LMNB1: variants seen among roughly 807,000 people sequenced by gnomAD.
LMNB1 encodes the protein lamin B1.
In LMNB1, 23 loss-of-function variants were observed where a neutral mutation model predicts 67.1. The ratio of observed to expected loss-of-function variants is 0.34; its 90% CI spans 0.25 to 0.49. LMNB1 has a LOEUF of 0.49. Among genes scored for constraint, LMNB1 ranks in the 20% least tolerant of loss-of-function variants. LMNB1 has a pLI of 0.99. For synonymous variants in LMNB1, 281 were observed against 282.9 expected (o/e 0.99, Z 0.07); for missense variants, 634 against 746.5 (o/e 0.85, Z 1.76).
intron 8 of LMNB1, among the ~76,000 whole-genome samples, chr5:126,825,115 T>C (rs1751966645): frequency 6.6e-6 from 1 of 152,196 alleles, no homozygotes; most frequent in Non-Finnish European, 1.5e-5. Context: ...AAATGATCTT[T>C]CTAAGAGATC....
At chr5:126,788,056 A>G (rs1349464149) in intron 1 of LMNB1, among the ~76,000 whole-genome samples, 6 of 152,090 alleles carry the variant, frequency 3.9e-5, no homozygotes, top group African/African-American at 1.4e-4. Flanking sequence ...GGTGGAAGAA[A>G]GGAGAGAAGG....
intron 3 of LMNB1, among the ~76,000 whole-genome samples, chr5:126,808,123 C>T (rs756802279): frequency 6.6e-6 from 1 of 151,988 alleles, no homozygotes; most frequent in Non-Finnish European, 1.5e-5. Flanking sequence ...CCATCTGCCT[C>T]GGCCTCCCAA....
At chr5:126,782,748 C>G (rs942625708) in intron 1 of LMNB1, among the ~76,000 whole-genome samples, 2 of 151,874 alleles carry the variant, frequency 1.3e-5, no homozygotes, top group Non-Finnish European at 2.9e-5. Context: ...CCAGGTTTCA[C>G]CATGTTGGCC....
Position 126,811,841 on chromosome 5 carries a change from G to A in LMNB1, c.882G>A (p.Met294Ile), listed in dbSNP as rs377555259. 6.9e-5 allele frequency: 112 copies of A among 1,612,624 alleles called. No homozygotes were observed. Among genetic ancestry groups the A allele is most frequent in the Non-Finnish European group, 8.9e-5 (105 of 1,178,846 alleles). ...TCAACAGTGCCAGGGAAGAACTGAT[G>A]GAAAGCCGCATGAGAATTGAGAGCC... ...STVNSAREEL[M>I]ESRMRIESLS... is the part of the protein sequence containing the mutation. The change falls in exon 5 of 11, where the codon ATG becomes ATA. Residue 294 changes from methionine (M) to isoleucine (I), a missense_variant. By Grantham distance (10) the Met-to-Ile change is conservative. Transcript: ENST00000261366.
At chr5:126,822,615 A>C (rs1361145643) in intron 7 of LMNB1, among the ~76,000 whole-genome samples, 166 bp from the exon 8 acceptor site, 2 of 152,384 alleles carry the variant, frequency 1.3e-5, no homozygotes, top group East Asian at 1.9e-4. Flanking sequence ...CTGTTTGACA[A>C]AATGACAGAA....
At chr5:126,811,605 C>A (rs994798399) in intron 4 of LMNB1, 168 bp from the exon 5 acceptor site, 8 of 490,884 alleles carry the variant, frequency 1.6e-5, no homozygotes, top group African/African-American at 1.3e-4. Flanking sequence ...AAAAGTCACA[C>A]AGAATTACCA....
intron 3 of LMNB1, among the ~76,000 whole-genome samples, chr5:126,808,516 T>C (rs1029008473): frequency 6.6e-6 from 1 of 151,886 alleles, no homozygotes; most frequent in African/African-American, 2.4e-5. Flanking sequence ...ATTCATGATA[T>C]ATATTCAGTA....
At chr5:126,777,067 C>T (rs1025381423), upstream of LMNB1, 2 of 158,254 alleles carry the variant, frequency 1.3e-5, no homozygotes, top group Non-Finnish European at 2.8e-5. Context: ...GCGCCGCGGC[C>T]CGCGCCACCT....
chr5:126,802,958 G>A (rs890925627), intron 1 of LMNB1, among the ~76,000 whole-genome samples: 1 of 151,968 alleles, frequency 6.6e-6, no homozygotes, highest in Admixed American at 6.6e-5. Context: ...GCTGAGGCTG[G>A]CAGATCACTT....
intron 10 of LMNB1, among the ~76,000 whole-genome samples, chr5:126,833,218 T>C (rs940274959): frequency 6.6e-6 from 1 of 152,226 alleles, no homozygotes; most frequent in Admixed American, 6.5e-5. Flanking sequence ...TGAAACAAAA[T>C]TCTTGCTGTA....
At chr5:126,822,565 AAAGTC>A (rs1751894589) in intron 7 of LMNB1, among the ~76,000 whole-genome samples, 1 of 152,250 alleles carries the variant, frequency 6.6e-6, no homozygotes, top group South Asian at 2.1e-4. Context: ...TGTCCTCTTT[AAAGTC>A]AAGTACCTTA....
intron 1 of LMNB1, among the ~76,000 whole-genome samples, chr5:126,787,542 A>T (rs369241791): frequency 0.27 from 18,211 of 67,590 alleles, 2,238 homozygotes; most frequent in Non-Finnish European, 0.34. Context: ...ATATATATAT[A>T]TATATTTTTT....
At chr5:126,805,947 T>C (rs1201951049) in intron 3 of LMNB1, among the ~76,000 whole-genome samples, 2 of 152,118 alleles carry the variant, frequency 1.3e-5, no homozygotes, top group Non-Finnish European at 2.9e-5. Flanking sequence ...ATCTTACTTA[T>C]TTTTGTTTTT....
chr5:126,782,062 G>A (rs1750646174), intron 1 of LMNB1, among the ~76,000 whole-genome samples: 1 of 152,152 alleles, frequency 6.6e-6, no homozygotes, highest in Admixed American at 6.5e-5. Flanking sequence ...CAAAAATGAT[G>A]ATGAATGCCA....
chr5:126,824,527 A>G (rs984054040), intron 8 of LMNB1, among the ~76,000 whole-genome samples: 5 of 152,208 alleles, frequency 3.3e-5, no homozygotes, highest in Non-Finnish European at 7.3e-5. Context: ...GCTATAGGAC[A>G]TATTAGTTTT....
intron 9 of LMNB1, among the ~76,000 whole-genome samples, chr5:126,831,758 G>T (rs1288174171): frequency 6.6e-6 from 1 of 152,148 alleles, no homozygotes. Flanking sequence ...GTTTTATAAA[G>T]AATTTAGTAT....
intron 1 of LMNB1, among the ~76,000 whole-genome samples, chr5:126,782,152 A>T (rs1750649048): frequency 6.6e-6 from 1 of 152,120 alleles, no homozygotes; most frequent in African/African-American, 2.4e-5. Context: ...GGAAAACTAG[A>T]TATAACAGAA....
In LMNB1 at chr5:126,784,779, CCTCCTGAGT is replaced by C. The variant is rs1042508863; in HGVS notation, c.359+6913_359+6921del. Among the ~76,000 whole-genome samples, 88 of 151,890 alleles carry C rather than the reference CCTCCTGAGT, an allele frequency of 5.8e-4. 1 individual carries two copies. The highest frequency in any genetic ancestry group is 2.1e-3 in the African/African-American group (85 of 41,396). Reference sequence around the variant, plus strand: ...CACGCCATTCTCCTGCCTCACTCAGCCTCCTGAGTAACTGGAACTACAGGCGCCCTCCAC... The same window carrying C: ...CACGCCATTCTCCTGCCTCACTCAGCAACTGGAACTACAGGCGCCCTCCAC... On this transcript the variant is annotated intron_variant, in intron 1 of 10. Transcript: ENST00000261366.
rs1317245508 is a variant in LMNB1, at chr5:126,777,685, G to T, written c.177G>T (p.Ala59=). 6.5e-7 allele frequency: 1 copy of T among 1,545,096 alleles called. No individual in the cohort carries two copies. Among genetic ancestry groups the T allele is most frequent in the Non-Finnish European group, 8.7e-7 (1 of 1,144,784 alleles). The change falls in exon 1 of 11, where the codon GCG becomes GCT. Residue 59 remains alanine, a synonymous_variant. Coordinates refer to ENST00000261366, the MANE Select transcript of LMNB1 (RefSeq NM_005573.4). The part of the protein sequence containing the change: ...KVRSLETENS[A]LQLQVTEREE... The stretch of plus-strand genomic sequence containing the variant: ...GCAGCCTGGAGACGGAGAACAGCGC[G>T]CTGCAGCTGCAGGTGACGGAGCGCG...
Sources: allele counts gnomAD v4.1 joint callset (sites outside exome capture counted in the v4.1 genomes callset), GRCh38; gene constraint gnomAD v4.1.1; transcripts MANE v1.5; gene names NCBI Gene and HGNC (gene_info 2026-07-23, HGNC 2026-07-21).